CELSR1: variants seen among roughly 807,000 people sequenced by gnomAD.
CELSR1 encodes cadherin EGF LAG seven-pass G-type receptor 1, also known as adhesion G protein-coupled receptor C1.
Under a neutral mutation model 249.1 loss-of-function variants are expected in CELSR1, and 110 were observed. The observed-to-expected ratio is 0.44, with a 90% CI of 0.38 to 0.52. The LOEUF is 0.52. Ranked by LOEUF, CELSR1 falls within the 20% of genes least tolerant of loss-of-function variation. CELSR1 has a pLI of 0.00. For missense variants in CELSR1, 4,109 were observed against 4,296.4 expected, an observed-to-expected ratio of 0.96 and a Z score of 1.22; for synonymous variants, 2,113 against 1,900.0, an observed-to-expected ratio of 1.11 and a Z score of -2.92.
chr22:46,534,948 G>A lies in CELSR1; in HGVS notation c.2223C>T (p.Gly741=), dbSNP rs1370896069. Residue 741 remains glycine (G), a synonymous_variant, in exon 1 of 35, where the codon GGC becomes GGT. Transcript: ENST00000674500. The surrounding 1 kb of genome is among the most constrained non-coding windows in gnomAD (Gnocchi z 9.7). The part of the protein sequence containing the change: ...NRFALSSQRG[G]GLITLALPLD... ...GAGGTAGCGCCAGGGTGATGAGGCC[G>A]CCCCCTCTCTGGCTGCTGAGTGCAA... The A allele has an allele frequency of 9.3e-6, 15 of 1,612,122 alleles. No individual in the cohort carries two copies. Among genetic ancestry groups the A allele is most frequent in the Middle Eastern group, 3.3e-4 (2 of 6,084 alleles).
At chr22:46,372,853 T>A in intron 25 of CELSR1, 30 bp downstream of exon 25, 3 of 1,569,768 alleles carry the variant, frequency 1.9e-6, no homozygotes, top group Non-Finnish European at 2.6e-6. Flanking sequence ...AATCTGTGGT[T>A]TTATGCAGGG....
chr22:46,536,859 G>A lies in CELSR1; in HGVS notation c.312C>T (p.Arg104=). ...CGGGAAGGTGCGTGCGCGCCCGCAG[G>A]CGGCGGCTCAGCGCCGTCGGGGCAC... is the stretch of plus-strand genomic sequence containing the variant. ...ARSAPTALSR[R]LRARTHLPGC... Residue 104 remains arginine, a synonymous_variant, in exon 1 of 35, where the codon CGC becomes CGT. Transcript: ENST00000674500. 1 of 1,233,274 alleles carries A rather than the reference G, an allele frequency of 8.1e-7. No individual in the cohort carries two copies. Among genetic ancestry groups the A allele is most frequent in the East Asian group, 3.9e-5 (1 of 25,380 alleles). 76.4% of individuals were successfully genotyped at this position (1,233,274 alleles called of 1,614,324 possible). A position where few individuals can be genotyped will look rare whatever the true frequency, so the allele number is the denominator to read the frequency against.
At chr22:46,373,810 C>G (rs1235644856) in intron 24 of CELSR1, among the ~76,000 whole-genome samples, 1 of 152,158 alleles carries the variant, frequency 6.6e-6, no homozygotes, top group Non-Finnish European at 1.5e-5. Flanking sequence ...ACTGTCTAAT[C>G]CTCAGCAGCC....
rs144113439 is a variant in CELSR1, at chr22:46,363,147, G to A, written c.*76C>T. 98 of 1,613,690 alleles carry A rather than the reference G, an allele frequency of 6.1e-5. No homozygotes were observed. The African/African-American group carries it at 1.1e-3, about 17-fold the overall frequency. On this transcript the variant is annotated 3_prime_UTR_variant, in exon 35 of 35. Transcript: ENST00000674500. This position sits in a 1 kb window ranked among gnomAD's most constrained non-coding sequence, Gnocchi z 4.3. ...TTGGGCTCCAAGGTCTGAGGGTGAT[G>A]CCGCAGCCTGTGTGGGGTGACGGGC... is the stretch of plus-strand genomic sequence containing the variant.
At chr22:46,516,828 G>T (rs1032288960) in intron 1 of CELSR1, among the ~76,000 whole-genome samples, 1 of 152,210 alleles carries the variant, frequency 6.6e-6, no homozygotes, top group Admixed American at 6.5e-5. Flanking sequence ...AGGAAGCTGC[G>T]GGGTGGGGAC....
At position 46,463,938 on chromosome 22, in the gene CELSR1, A is replaced by G; in HGVS notation, c.3952T>C (p.Cys1318Arg). The G allele has an allele frequency of 6.2e-7, 1 of 1,614,030 alleles. No individual in the cohort carries two copies. Residue 1318 changes from cysteine to arginine, a missense_variant, in exon 2 of 35, where the codon TGC (cysteine) becomes CGC (arginine). Transcript: ENST00000674500. ...LREPCENYMK[C>R]VSVLRFDSSA... ...CTGTCGAATCGCAGAACGGACACGC[A>G]CTTCATGTAGTTCTCGCAGGGCTCG...
Position 46,409,003 on chromosome 22 carries a change from C to T in CELSR1, c.5219G>A (p.Arg1740His), listed in dbSNP as rs1371849866. 3.1e-6 allele frequency: 5 copies of T among 1,606,246 alleles called. No individual in the cohort carries two copies. Among genetic ancestry groups the T allele is most frequent in the Non-Finnish European group, 4.2e-6 (5 of 1,177,158 alleles). ...GCACGGGGCCCCAGTCACCTGGAGG[C>T]GAAAGCTGGTGGGCCCACCACTGGT... is the stretch of plus-strand genomic sequence containing the variant. ...EATSGGPTSFRLQILNNYLQF... is the reference protein window; with the variant it reads ...EATSGGPTSFHLQILNNYLQF... The change falls in exon 9 of 35, where the codon CGC (arginine) becomes CAC (histidine). Residue 1740 changes from arginine to histidine, a missense_variant. Transcript: ENST00000674500. The surrounding 1 kb of genome is among the most constrained non-coding windows in gnomAD (Gnocchi z 9.8).
chr22:46,426,458 C>T (rs760393464), intron 5 of CELSR1, among the ~76,000 whole-genome samples: 8 of 152,112 alleles, frequency 5.3e-5, no homozygotes, highest in Non-Finnish European at 1.0e-4. Flanking sequence ...CTAGACCACA[C>T]CTTCTTACCA....
At position 46,408,477 on chromosome 22, in the gene CELSR1, C is replaced by A. The variant is rs1158231060; in HGVS notation, c.5226+519G>T. ...CTCCCAGGTAGCTGGGGTTACAGGC[C>A]CCCACTACCAAGCCTGGCTAATTTT... is the stretch of plus-strand genomic sequence containing the variant. On this transcript the variant is annotated intron_variant, in intron 9 of 34. Transcript: ENST00000674500. The surrounding 1 kb of genome is among the most constrained non-coding windows in gnomAD (Gnocchi z 4.6). Among the ~76,000 whole-genome samples the A allele has an allele frequency of 1.3e-5, 2 of 152,138 alleles. No individual in the cohort carries two copies. The highest frequency in any genetic ancestry group is 2.9e-5 in the Non-Finnish European group (2 of 68,008).
At chr22:46,496,953 A>G (rs1379618207) in intron 1 of CELSR1, among the ~76,000 whole-genome samples, 2 of 152,182 alleles carry the variant, frequency 1.3e-5, no homozygotes, top group Non-Finnish European at 2.9e-5. Context: ...TGACATAATC[A>G]TTTATTATAA....
Position 46,536,727 on chromosome 22 carries a change from T to G in CELSR1, c.444A>C (p.Ala148=). Residue 148 remains alanine (A), a synonymous_variant, in exon 1 of 35, where the codon GCA becomes GCC. Transcript: ENST00000674500. ...GGCAGGCGGGTAAGGTGGTCGGAGC[T>G]GCGAGCGCCGAATGCTGCGCGGCCG... ...GCAAAQHSAL[A]APTTLPACRC... The G allele has an allele frequency of 2.6e-6, 3 of 1,149,534 alleles. No homozygotes were observed. The highest frequency in any genetic ancestry group is 3.2e-6 in the Non-Finnish European group (3 of 939,210). 71.2% of individuals were successfully genotyped at this position (1,149,534 alleles called of 1,614,324 possible). A position where few individuals can be genotyped will look rare whatever the true frequency, so the allele number is the denominator to read the frequency against.
rs542670900 is a variant in CELSR1, at chr22:46,373,047, G to A, written c.7595C>T (p.Thr2532Ile). Residue 2532 changes from threonine to isoleucine, a missense_variant, in exon 25 of 35, where the codon ACA becomes ATA. Physicochemically the swap from Thr to Ile is moderately conservative, Grantham distance 89. This residue lies in a region of CELSR1 where 1,805 missense variants were observed against 1,831.6 expected (regional missense o/e 0.99). Coordinates refer to ENST00000674500, the MANE Select transcript of CELSR1 (RefSeq NM_001378328.1). ...INQTENPFLC[T>I]VVAILLHYIY... ...GTAGTGGAGGAGGATGGCAACCACT[G>A]TGCACAGAAACTGCGCAGGGAGGGG... 1.2e-6 allele frequency: 2 copies of A among 1,607,288 alleles called. No homozygotes were observed. The highest frequency in any genetic ancestry group is 2.2e-5 in the East Asian group (1 of 44,712).
At chr22:46,495,434 C>G (rs1447358317) in intron 1 of CELSR1, among the ~76,000 whole-genome samples, 1 of 152,142 alleles carries the variant, frequency 6.6e-6, no homozygotes. Context: ...TGGAAGTTGC[C>G]CTGGGTAAGT....
chr22:46,415,906 C>T (rs1173890347), intron 5 of CELSR1, among the ~76,000 whole-genome samples: 1 of 152,182 alleles, frequency 6.6e-6, no homozygotes, highest in Non-Finnish European at 1.5e-5. Context: ...CTCAGATCAT[C>T]CATTTTTGTC....
Position 46,440,461 on chromosome 22 carries a change from A to C in CELSR1, c.4184-1050T>G, listed in dbSNP as rs1217879652. On this transcript the variant is annotated intron_variant, in intron 2 of 34. Transcript: ENST00000674500. This position sits in a 1 kb window ranked among gnomAD's most constrained non-coding sequence, Gnocchi z 4.7. ...TGATCCGCCTGCCTTGGCCTCCCAA[A>C]GTGCTGGGATTACAGGCGTGAGCCA... Among the ~76,000 whole-genome samples the C allele has an allele frequency of 6.6e-6, 1 of 152,190 alleles. No individual in the cohort carries two copies. The highest frequency in any genetic ancestry group is 1.5e-5 in the Non-Finnish European group (1 of 68,036).
At chr22:46,485,176 G>A (rs2080301644) in intron 1 of CELSR1, among the ~76,000 whole-genome samples, 1 of 152,036 alleles carries the variant, frequency 6.6e-6, no homozygotes, top group African/African-American at 2.4e-5. Flanking sequence ...CAGCTTCGAG[G>A]TTTTTCTGTA....
In CELSR1 at chr22:46,369,677, A is replaced by G. The variant is rs374485327; in HGVS notation, c.7872+15T>C. On this transcript the variant is annotated intron_variant, in intron 26 of 34. Transcript: ENST00000674500. ...GTTTGGGGCACCCGGACTCCCGTGAAGGCCCCACACTCACGATTATAACAG... is the reference window on the plus strand; with the variant it reads ...GTTTGGGGCACCCGGACTCCCGTGAGGGCCCCACACTCACGATTATAACAG... 2.3e-5 allele frequency: 37 copies of G among 1,606,142 alleles called. No individual in the cohort carries two copies. The African/African-American group carries it at 4.7e-4, about 20-fold the overall frequency.
At chr22:46,532,702 T>G (rs531250083) in intron 1 of CELSR1, among the ~76,000 whole-genome samples, 7 of 152,308 alleles carry the variant, frequency 4.6e-5, no homozygotes, top group Admixed American at 2.0e-4. Context: ...ACCAGCATCC[T>G]TGGATGCACG....
rs570539245 is a variant in CELSR1 at position 46,401,255 on chromosome 22, A to G, written c.5227-1353T>C. 6.6e-6 allele frequency among the ~76,000 whole-genome samples: 1 copy of G among 152,338 alleles called. No homozygotes were observed. The highest frequency in any genetic ancestry group is 1.5e-5 in the Non-Finnish European group (1 of 68,032). Reference sequence around the variant, plus strand: ...GCATTGCAACTGGCCTAAAACACTCATATTTTAAAATAAGGTAGGCCAAGG... The same window carrying G: ...GCATTGCAACTGGCCTAAAACACTCGTATTTTAAAATAAGGTAGGCCAAGG... On this transcript the variant is annotated intron_variant, in intron 9 of 34. Coordinates refer to ENST00000674500, the MANE Select transcript of CELSR1 (RefSeq NM_001378328.1). The surrounding 1 kb of genome is among the most constrained non-coding windows in gnomAD (Gnocchi z 4.7).
Sources: allele counts gnomAD v4.1 joint callset (sites outside exome capture counted in the v4.1 genomes callset), GRCh38; gene constraint gnomAD v4.1.1; regional missense constraint gnomAD v4.1.1; non-coding constraint Gnocchi (gnomAD v3.1); transcripts MANE v1.5; gene names NCBI Gene and HGNC (gene_info 2026-07-23, HGNC 2026-07-21).